RBFOX1: variants seen among roughly 807,000 people sequenced by gnomAD.
RBFOX1 encodes the protein RNA binding protein fox-1 homolog 1.
Under a neutral mutation model 57.7 loss-of-function variants are expected in RBFOX1, and 8 were observed. That is an observed-to-expected ratio of 0.14 (90% CI 0.08 to 0.25). RBFOX1 has a LOEUF of 0.25. Among genes scored for constraint, RBFOX1 ranks in the 10% least tolerant of loss-of-function variants. The pLI is 1.00. For synonymous variants in RBFOX1, 326 were observed against 222.4 expected, an observed-to-expected ratio of 1.47 and a Z score of -4.15; for missense variants, 611 against 548.5, an observed-to-expected ratio of 1.11 and a Z score of -1.14.
chr16:5,814,649 C>T (rs1270227590), intron 3 of RBFOX1, among the ~76,000 whole-genome samples: 1 of 152,230 alleles, frequency 6.6e-6, no homozygotes, highest in African/African-American at 2.4e-5. Context: ...TTATTCCTGG[C>T]CGGGCGCGGT....
Position 5,727,225 on chromosome 16 carries a change from T to C in RBFOX1, c.318+128264T>C, listed in dbSNP as rs369874861. 5.3e-5 allele frequency among the ~76,000 whole-genome samples: 8 copies of C among 152,066 alleles called. No individual in the cohort carries two copies. The East Asian group carries it at 5.8e-4, about 11-fold the overall frequency. On this transcript the variant is annotated intron_variant, in intron 3 of 19. Coordinates refer to the RBFOX1 transcript ENST00000641259. ...AGACAGAGGTGGCAGTGAGCCAAGA[T>C]TGTGCCACTGCACTCCAGCCTGGGC... is the stretch of plus-strand genomic sequence containing the variant.
At position 7,025,507 on chromosome 16, in the gene RBFOX1, G is replaced by C. The variant is rs1038460055; in HGVS notation, c.-15-26550G>C. On this transcript the variant is annotated intron_variant, in intron 3 of 15. Coordinates refer to ENST00000550418, the MANE Select transcript of RBFOX1 (RefSeq NM_018723.4). ...CAGCCTTGTTGTACCCAGCCCCTAT[G>C]GAAGATGGAGTTGCTCTGGTTCAAA... is the stretch of plus-strand genomic sequence containing the variant. Among the ~76,000 whole-genome samples the C allele has an allele frequency of 3.3e-5, 5 of 152,302 alleles. No homozygotes were observed. The East Asian group carries it at 9.7e-4, about 30-fold the overall frequency.
chr16:5,920,518 G>C (rs1760401132), intron 4 of RBFOX1, among the ~76,000 whole-genome samples: 1 of 152,134 alleles, frequency 6.6e-6, no homozygotes, highest in Admixed American at 6.5e-5. Context: ...TAGGGGAACT[G>C]ATCACAGCTT....
chr16:7,597,518 G>T, intron 9 of RBFOX1, 87 bp downstream of exon 9: 1 of 1,220,178 alleles, frequency 8.2e-7, no homozygotes, highest in South Asian at 1.4e-5. Context: ...ACAACAAGCT[G>T]TGTTTGCCTG....
intron 2 of RBFOX1, among the ~76,000 whole-genome samples, chr16:5,590,169 T>C (rs78612387): frequency 2.0e-5 from 3 of 152,320 alleles, no homozygotes; most frequent in Admixed American, 6.5e-5. Flanking sequence ...TACTTTTTTT[T>C]CCTGCAGTCT....
chr16:5,599,261 A>G (rs1388863364), exon 3 of RBFOX1: 2 of 670,774 alleles, frequency 3.0e-6, no homozygotes, highest in Non-Finnish European at 5.4e-6. Flanking sequence ...AAGGCTGCAA[A>G]TTGGTCCCTC....
At chr16:6,460,092 G>T (rs1202208481) in intron 2 of RBFOX1, among the ~76,000 whole-genome samples, 1 of 147,920 alleles carries the variant, frequency 6.8e-6, no homozygotes, top group Non-Finnish European at 1.5e-5. Context: ...TAGATTGCTT[G>T]GGGCTGCCAT....
chr16:5,312,793 G>T (rs970189077), intron 1 of RBFOX1, among the ~76,000 whole-genome samples: 10 of 152,202 alleles, frequency 6.6e-5, no homozygotes, highest in African/African-American at 2.2e-4. Flanking sequence ...TGAGGGACCT[G>T]TGTGAAGCTT....
At chr16:6,803,501 T>A (rs1222876292) in intron 3 of RBFOX1, among the ~76,000 whole-genome samples, 1 of 152,192 alleles carries the variant, frequency 6.6e-6, no homozygotes, top group Non-Finnish European at 1.5e-5. Flanking sequence ...CCCAGTGCAA[T>A]CTGTGTATAA....
At chr16:5,741,391 G>A (rs573371868) in intron 3 of RBFOX1, among the ~76,000 whole-genome samples, 16 of 152,056 alleles carry the variant, frequency 1.1e-4, no homozygotes, top group South Asian at 2.1e-4. Flanking sequence ...TTTTTCCCAC[G>A]TCAACATAAA....
chr16:6,605,744 C>T (rs899752228), intron 2 of RBFOX1, among the ~76,000 whole-genome samples: 1 of 152,118 alleles, frequency 6.6e-6, no homozygotes, highest in South Asian at 2.1e-4. Context: ...TCCGTGTGTT[C>T]GTGGAGGTTG....
intron 3 of RBFOX1, among the ~76,000 whole-genome samples, chr16:5,702,109 T>G (rs7194501): frequency 0.95 from 144,650 of 152,208 alleles, 68,759 homozygotes; most frequent in East Asian, 1. Context: ...TCTGTATTTA[T>G]CCCATTCTCA....
intron 3 of RBFOX1, among the ~76,000 whole-genome samples, chr16:5,648,921 G>T (rs555341804): frequency 1.6e-4 from 24 of 151,908 alleles, no homozygotes; most frequent in African/African-American, 5.3e-4. Context: ...AAAATTAGCC[G>T]GGTGTGATGG....
chr16:5,698,343 T>C (rs533043071), intron 3 of RBFOX1, among the ~76,000 whole-genome samples: 85 of 152,270 alleles, frequency 5.6e-4, no homozygotes, highest in African/African-American at 1.9e-3. Context: ...TACCTGTAAT[T>C]TTTTGCTTTT....
chr16:7,167,729 T>C (rs1285318476), intron 4 of RBFOX1, among the ~76,000 whole-genome samples: 2 of 152,232 alleles, frequency 1.3e-5, no homozygotes, highest in Non-Finnish European at 2.9e-5. Context: ...TTTTTGTAGA[T>C]TTTATTGACA....
At chr16:7,464,155 G>T (rs1027705622) in intron 4 of RBFOX1, among the ~76,000 whole-genome samples, 5 of 152,002 alleles carry the variant, frequency 3.3e-5, no homozygotes, top group African/African-American at 4.8e-5. Flanking sequence ...CTTAAGATAG[G>T]GTTACATTAT....
chr16:6,341,410 G>A (rs1161370416), intron 2 of RBFOX1, among the ~76,000 whole-genome samples: 1 of 152,086 alleles, frequency 6.6e-6, no homozygotes, highest in Non-Finnish European at 1.5e-5. Flanking sequence ...GACTTCCTGG[G>A]CGGCATTCAT....
intron 3 of RBFOX1, among the ~76,000 whole-genome samples, chr16:7,023,581 A>G (rs1470756756): frequency 6.0e-5 from 9 of 150,254 alleles, no homozygotes; most frequent in Non-Finnish European, 1.2e-4. Flanking sequence ...AAAAAAAAAA[A>G]AAAAAAAAAA....
chr16:6,740,553 A>G (rs1165390567), intron 3 of RBFOX1, among the ~76,000 whole-genome samples: 3 of 152,238 alleles, frequency 2.0e-5, no homozygotes, highest in African/African-American at 4.8e-5. Context: ...GTCACAGGAT[A>G]TGAAATCACA....
Sources: allele counts gnomAD v4.1 joint callset (sites outside exome capture counted in the v4.1 genomes callset), GRCh38; gene constraint gnomAD v4.1.1; transcripts MANE v1.5; gene names NCBI Gene and HGNC (gene_info 2026-07-23, HGNC 2026-07-21).